Variants in LHFPL3 observed in about 807,000 individuals in gnomAD.
LHFPL3 encodes the protein LHFPL tetraspan subfamily member 3 protein.
LHFPL3 carries 5 observed loss-of-function variants against 19.3 expected under a neutral mutation model. That is an observed-to-expected ratio of 0.26 (90% CI 0.14 to 0.54). The LOEUF (loss-of-function observed/expected upper bound fraction) is 0.54. Among genes scored for constraint, LHFPL3 ranks in the 20% least tolerant of loss-of-function variants. The pLI is 0.94. For missense variants in LHFPL3, 249 were observed against 307.4 expected (o/e 0.81, Z 1.42); for synonymous variants, 133 against 126.2 (o/e 1.05, Z -0.36).
intron 1 of LHFPL3, among the ~76,000 whole-genome samples, chr7:104,526,813 T>G (rs1794196001): frequency 6.6e-6 from 1 of 152,218 alleles, no homozygotes; most frequent in African/African-American, 2.4e-5. Context: ...ATTCAACAGT[T>G]GTTTAGGGTA....
intron 1 of LHFPL3, among the ~76,000 whole-genome samples, chr7:104,462,579 G>A (rs1362486894): frequency 2.0e-5 from 3 of 152,202 alleles, no homozygotes; most frequent in East Asian, 1.9e-4. Context: ...TGTATCCCGG[G>A]AATGAAGCCT....
rs145808888 is a variant in LHFPL3, at chr7:104,698,178, T to C, written c.446-38497T>C. On this transcript the variant is annotated intron_variant, in intron 1 of 2. Transcript: ENST00000424859. ...TTTGTTACATTTTGCATCCGAATTTTCTGCCATCCTATTGCATAAGAGTCA... is the reference window on the plus strand; with the variant it reads ...TTTGTTACATTTTGCATCCGAATTTCCTGCCATCCTATTGCATAAGAGTCA... Among the ~76,000 whole-genome samples, 261 of 152,344 alleles carry C rather than the reference T, an allele frequency of 1.7e-3. 2 individuals carry two copies. The highest frequency in any genetic ancestry group is 5.2e-3 in the African/African-American group (216 of 41,576).
chr7:104,707,731 T>C (rs763116789), intron 1 of LHFPL3, among the ~76,000 whole-genome samples: 14 of 152,218 alleles, frequency 9.2e-5, no homozygotes, highest in African/African-American at 1.2e-4. Flanking sequence ...ATCCCACTGA[T>C]TGTATTTGAA....
At chr7:104,653,025 T>C (rs1792059212) in intron 1 of LHFPL3, among the ~76,000 whole-genome samples, 1 of 130,930 alleles carries the variant, frequency 7.6e-6, no homozygotes, top group Non-Finnish European at 1.6e-5. Context: ...GGGCCCTACC[T>C]TCAGGTGTTG....
At chr7:104,424,124 G>C (rs1791792046) in intron 1 of LHFPL3, among the ~76,000 whole-genome samples, 1 of 152,086 alleles carries the variant, frequency 6.6e-6, no homozygotes, top group Non-Finnish European at 1.5e-5. Context: ...TAAAAAAAAG[G>C]GACTGTGTTT....
chr7:104,654,752 G>A (rs1792092497), intron 1 of LHFPL3, among the ~76,000 whole-genome samples: 1 of 152,074 alleles, frequency 6.6e-6, no homozygotes, highest in African/African-American at 2.4e-5. Flanking sequence ...AAAATGAAGA[G>A]CTGAGCAGTA....
chr7:104,685,954 T>G (rs1792796769), intron 1 of LHFPL3, among the ~76,000 whole-genome samples: 1 of 152,238 alleles, frequency 6.6e-6, no homozygotes. Context: ...TCCATTCTAG[T>G]GTATTAGGTA....
chr7:104,681,154 C>CTTTTTTTTTTTTTTTTTTTTTTTTTTTTT (rs35342944), intron 1 of LHFPL3, among the ~76,000 whole-genome samples: 1 of 132,630 alleles, frequency 7.5e-6, no homozygotes. Context: ...TTCTTTTCTT[C>CTTTTTTTTTTTTTTTTTTTTTTTTTTTTT]TTTTTTTTTT....
chr7:104,491,682 G>A (rs1450427266), intron 1 of LHFPL3, among the ~76,000 whole-genome samples: 1 of 152,186 alleles, frequency 6.6e-6, no homozygotes, highest in Non-Finnish European at 1.5e-5. Flanking sequence ...CAATGTGCAG[G>A]TAGGAGGAGA....
At chr7:104,361,194 G>C (rs78644957) in intron 1 of LHFPL3, among the ~76,000 whole-genome samples, 1 of 152,104 alleles carries the variant, frequency 6.6e-6, no homozygotes, top group African/African-American at 2.4e-5. Context: ...GGCTTTTTGC[G>C]GAAAACGCTT....
At chr7:104,624,053 T>C (rs1263959243) in intron 1 of LHFPL3, among the ~76,000 whole-genome samples, 3 of 152,242 alleles carry the variant, frequency 2.0e-5, no homozygotes, top group African/African-American at 7.2e-5. Context: ...AAGAAACTTA[T>C]TAAGAAGAAG....
intron 1 of LHFPL3, chr7:104,669,660 C>T (rs1562962100): frequency 1.5e-6 from 2 of 1,325,860 alleles, no homozygotes; most frequent in Admixed American, 4.2e-5. Flanking sequence ...CCAGACAAGA[C>T]AAAATAAAAC....
chr7:104,523,667 C>T (rs536562000), intron 1 of LHFPL3, among the ~76,000 whole-genome samples: 1 of 152,142 alleles, frequency 6.6e-6, no homozygotes, highest in Non-Finnish European at 1.5e-5. Flanking sequence ...CATGCACATG[C>T]CTCACTAGCC....
chr7:104,713,866 A>G (rs1793338508), intron 1 of LHFPL3, among the ~76,000 whole-genome samples: 1 of 152,172 alleles, frequency 6.6e-6, no homozygotes, highest in African/African-American at 2.4e-5. Flanking sequence ...CAAGGGGAGT[A>G]ACAATACCAA....
At chr7:104,816,941 C>T (rs1303208780) in intron 2 of LHFPL3, among the ~76,000 whole-genome samples, 1 of 152,234 alleles carries the variant, frequency 6.6e-6, no homozygotes, top group Non-Finnish European at 1.5e-5. Flanking sequence ...GCACACACTT[C>T]TGACTGTGAC....
At chr7:104,653,115 A>G (rs987026325) in intron 1 of LHFPL3, among the ~76,000 whole-genome samples, 1 of 152,206 alleles carries the variant, frequency 6.6e-6, no homozygotes, top group Non-Finnish European at 1.5e-5. Flanking sequence ...TCCCAGGGAC[A>G]TGGCCTTGAG....
intron 1 of LHFPL3, among the ~76,000 whole-genome samples, chr7:104,418,388 C>G (rs1030668420): frequency 7.9e-5 from 12 of 151,904 alleles, no homozygotes; most frequent in Admixed American, 7.2e-4. Context: ...AAAAATTAGC[C>G]AGATGTGGTA....
At chr7:104,330,883 C>G (rs1801555272) in intron 1 of LHFPL3, among the ~76,000 whole-genome samples, 1 of 152,166 alleles carries the variant, frequency 6.6e-6, no homozygotes, top group African/African-American at 2.4e-5. Context: ...AGAGGACACA[C>G]ACATGCAGAT....
intron 1 of LHFPL3, among the ~76,000 whole-genome samples, chr7:104,584,390 AT>A (rs1790523257): frequency 6.6e-6 from 1 of 152,168 alleles, no homozygotes; most frequent in Non-Finnish European, 1.5e-5. Flanking sequence ...GCACACCAAC[AT>A]GGCACATGTA....
Sources: allele counts gnomAD v4.1 joint callset (sites outside exome capture counted in the v4.1 genomes callset), GRCh38; gene constraint gnomAD v4.1.1; transcripts MANE v1.5; gene names NCBI Gene and HGNC (gene_info 2026-07-23, HGNC 2026-07-21).